The following SPTA1 variants were observed in gnomAD, a reference collection of about 807,000 sequenced individuals.
The protein encoded by SPTA1 is spectrin alpha chain, erythrocytic 1.
A neutral mutation model predicts 324.7 loss-of-function variants in SPTA1; 177 were observed. The observed-to-expected ratio is 0.55, with a 90% confidence interval of 0.48 to 0.62. The LOEUF (loss-of-function observed/expected upper bound fraction) is 0.62, where lower values mean the gene tolerates loss of function less well. Among genes scored for constraint, SPTA1 ranks in the 20% least tolerant of loss-of-function variants. The pLI, the probability that SPTA1 is intolerant of heterozygous loss-of-function variation, is 0.00. For synonymous variants in SPTA1, 1,195 were observed against 1,041.3 expected (o/e 1.15, Z -2.84); for missense variants, 3,162 against 2,883.6 (o/e 1.10, Z -2.21).
Position 158,615,232 on chromosome 1 carries a change from G to T in SPTA1, c.6772C>A (p.Gln2258Lys), listed in dbSNP as rs368355710. 51 of 1,613,264 alleles carry T rather than the reference G, an allele frequency of 3.2e-5. No homozygotes were observed. The highest frequency in any genetic ancestry group is 4.2e-5 in the Non-Finnish European group (49 of 1,180,016). Reference protein sequence around the residue: ...LGLRMQHNLEQQIQAKDIKGV... With the variant: ...LGLRMQHNLEKQIQAKDIKGV... The stretch of plus-strand genomic sequence containing the variant: ...CCTCAATACTTGGCCTGGATCTGTT[G>T]CTCCAGGTTGTGTTGCATCCGCAAC... Residue 2258 changes from glutamine to lysine, a missense_variant, in exon 48 of 52, where the codon CAA (glutamine) becomes AAA (lysine). Coordinates refer to ENST00000643759, the MANE Select transcript of SPTA1 (RefSeq NM_003126.4).
intron 44 of SPTA1, among the ~76,000 whole-genome samples, chr1:158,619,726 A>C (rs1649790595): frequency 6.6e-6 from 1 of 152,206 alleles, no homozygotes. Flanking sequence ...TTAGTTTTCT[A>C]TTACACTTTT....
rs751821341 is a variant in SPTA1, at chr1:158,627,641, TCTC to T, written c.5645_5647del (p.Gly1882del). ...CTAGCTCACCTTATTTAGGATGTCT[TCTC>T]CTTGTGCACACACATTTTGTACTCG... On this transcript the variant is annotated inframe_deletion, in exon 40 of 52. Coordinates refer to ENST00000643759, the MANE Select transcript of SPTA1 (RefSeq NM_003126.4). 63 of 1,613,384 alleles carry T rather than the reference TCTC, an allele frequency of 3.9e-5. No homozygotes were observed. Among genetic ancestry groups the T allele is most frequent in the Non-Finnish European group, 5.2e-5 (61 of 1,179,730 alleles).
Position 158,657,350 on chromosome 1 carries a change from G to A in SPTA1, c.2805+127C>T, listed in dbSNP as rs1040033254. 1.7e-5 allele frequency: 16 copies of A among 962,242 alleles called. No homozygotes were observed. The African/African-American group carries it at 2.1e-4, about 13-fold the overall frequency. The allele number at this position is 962,242 out of a possible 1,614,324, so 59.6% of individuals were successfully genotyped here. On this transcript the variant is annotated intron_variant, in intron 19 of 51. Transcript: ENST00000643759. Reference sequence around the variant, plus strand: ...GTCTCAGCAGATGAAGGCCAACGGCGACCACTCTGGAAACCCCAAATAATC... The same window carrying A: ...GTCTCAGCAGATGAAGGCCAACGGCAACCACTCTGGAAACCCCAAATAATC...
In SPTA1 at chr1:158,678,438, C is replaced by T. The variant is rs187932146; in HGVS notation, c.775G>A (p.Ala259Thr). Residue 259 changes from alanine to threonine, a missense_variant, in exon 6 of 52, where the codon GCT becomes ACT. Physicochemically the swap from Ala to Thr is moderately conservative, Grantham distance 58. Coordinates refer to ENST00000643759, the MANE Select transcript of SPTA1 (RefSeq NM_003126.4). ...LRGLALQRQK[A>T]LSNAANLQRF... The stretch of plus-strand genomic sequence containing the variant: ...TGTAAGTTTGCAGCATTGGACAGAG[C>T]TTTCTGTCTCTGGAGAGCCAAACCA... 1.4e-3 allele frequency: 2,184 copies of T among 1,613,758 alleles called. 7 individuals carry two copies. The highest frequency in any genetic ancestry group is 1.6e-3 in the Non-Finnish European group (1,944 of 1,179,762).
chr1:158,654,521 A>G (rs1427502302), intron 21 of SPTA1, 90 bp downstream of exon 21: 58 of 1,535,776 alleles, frequency 3.8e-5, no homozygotes, highest in Non-Finnish European at 3.6e-5. Flanking sequence ...AATAAATGTT[A>G]GATGGTAAAA....
At chr1:158,619,651 G>A (rs1198033323) in intron 44 of SPTA1, among the ~76,000 whole-genome samples, 1 of 152,080 alleles carries the variant, frequency 6.6e-6, no homozygotes, top group African/African-American at 2.4e-5. Context: ...GAACACAAAA[G>A]CAGCCTTAAA....
chr1:158,612,942 C>T lies in SPTA1; in HGVS notation c.7009G>A (p.Glu2337Lys), dbSNP rs1373239923. The T allele has an allele frequency of 6.2e-7, 1 of 1,613,848 alleles. No homozygotes were observed. The highest frequency in any genetic ancestry group is 2.2e-5 in the East Asian group (1 of 44,852). The change falls in exon 51 of 52, where the codon GAG becomes AAG. Residue 2337 changes from glutamate (E) to lysine (K), a missense_variant. By Grantham distance (56) the Glu-to-Lys change is moderately conservative. Coordinates refer to ENST00000643759, the MANE Select transcript of SPTA1 (RefSeq NM_003126.4). ...TCAATCAGGAAAGCAGTATAGTCCT[C>T]CAGTGAGACATAGCCCTTCCTGTGG... ...DPGRKGYVSL[E>K]DYTAFLIDKE...
In SPTA1 at chr1:158,619,373, A is replaced by G; in HGVS notation, c.6418-39T>C. ...TCACAGACAACGTGACTGACATCGA[A>G]GGCCTTTCTTTGCCATAAGAGAATT... On this transcript the variant is annotated intron_variant, in intron 44 of 51. Coordinates refer to ENST00000643759, the MANE Select transcript of SPTA1 (RefSeq NM_003126.4). 3 of 1,600,508 alleles carry G rather than the reference A, an allele frequency of 1.9e-6. No individual in the cohort carries two copies. The South Asian group carries it at 3.3e-5, about 18-fold the overall frequency.
rs370362216 is a variant in SPTA1, at chr1:158,661,052, A to C, written c.2587+235T>G. Among the ~76,000 whole-genome samples the C allele has an allele frequency of 3.3e-5, 5 of 152,310 alleles. No individual in the cohort carries two copies. The East Asian group carries it at 5.8e-4, about 18-fold the overall frequency. Reference sequence around the variant, plus strand: ...TTAATGATTAGGATAAAGACATTTTACTTTAATAATTTTTGTTTTACAAAC... The same window carrying C: ...TTAATGATTAGGATAAAGACATTTTCCTTTAATAATTTTTGTTTTACAAAC... On this transcript the variant is annotated intron_variant, in intron 18 of 51. Coordinates refer to ENST00000643759, the MANE Select transcript of SPTA1 (RefSeq NM_003126.4).
At chr1:158,683,671 GCTATGCTGAGCCTTATGAT>G (rs1325143322) in intron 2 of SPTA1, among the ~76,000 whole-genome samples, 175 bp from the exon 3 acceptor site, 3 of 152,090 alleles carry the variant, frequency 2.0e-5, no homozygotes, top group Non-Finnish European at 4.4e-5. Flanking sequence ...ACTGTCCTGA[GCTATGCTGAGCCTTATGAT>G]CTATGCCGAG....
chr1:158,636,571 A>G, intron 37 of SPTA1, 70 bp downstream of exon 37: 1 of 1,565,706 alleles, frequency 6.4e-7, no homozygotes, highest in East Asian at 2.2e-5. Flanking sequence ...GCACCCTCTT[A>G]TTTATCTGTA....
Position 158,671,446 on chromosome 1 carries a change from A to G in SPTA1, c.1496T>C (p.Leu499Pro), listed in dbSNP as rs1468874777. 2 of 1,612,688 alleles carry G rather than the reference A, an allele frequency of 1.2e-6. No homozygotes were observed. Among genetic ancestry groups the G allele is most frequent in the South Asian group, 2.2e-5 (2 of 91,018 alleles). ...TGAGTTTCCCAGATCCTCGTTTTCC[A>G]GGAAGGCCTGTAGAAGACAGAAAGA... ...DSWMSRQEAFLENEDLGNSLG... is the reference protein window; with the variant it reads ...DSWMSRQEAFPENEDLGNSLG... The change falls in exon 12 of 52, where the codon CTG (leucine) becomes CCG (proline). Residue 499 changes from leucine (L) to proline (P), a missense_variant. By Grantham distance (98) the Leu-to-Pro change is moderately conservative. Coordinates refer to ENST00000643759, the MANE Select transcript of SPTA1 (RefSeq NM_003126.4).
chr1:158,635,858 C>T, intron 38 of SPTA1, 55 bp downstream of exon 38: 9 of 1,613,774 alleles, frequency 5.6e-6, no homozygotes, highest in Non-Finnish European at 7.6e-6. Flanking sequence ...CCTCCCAACA[C>T]CTGCCCAATA....
At position 158,620,654 on chromosome 1, in the gene SPTA1, T is replaced by C. The variant is rs536856926; in HGVS notation, c.6121-188A>G. ...ACATGTGAGTTAGCGGTACGAGCCC[T>C]GGTTCTGGCATTTTCTCATTGTGTG... On this transcript the variant is annotated intron_variant, in intron 43 of 51. Coordinates refer to ENST00000643759, the MANE Select transcript of SPTA1 (RefSeq NM_003126.4). 14 of 625,508 alleles carry C rather than the reference T, an allele frequency of 2.2e-5. No individual in the cohort carries two copies. In the East Asian group the frequency reaches 3.4e-4, roughly 15 times the overall value. The allele number at this position is 625,508 out of a possible 1,614,324, so 38.7% of individuals were successfully genotyped here.
chr1:158,634,553 G>C lies in SPTA1; in HGVS notation c.5555C>G (p.Ala1852Gly). 1 of 1,613,974 alleles carries C rather than the reference G, an allele frequency of 6.2e-7. No individual in the cohort carries two copies. Among genetic ancestry groups the C allele is most frequent in the Non-Finnish European group, 8.5e-7 (1 of 1,180,024 alleles). ...AVRGDCGDTLAATQSLLMKHE... is the reference protein window; with the variant it reads ...AVRGDCGDTLGATQSLLMKHE... Reference sequence around the variant, plus strand: ...CTTCCTGTTCCTCACCTGAGTAGCAGCTAATGTATCTCCACAATCTCCTCG... The same window carrying C: ...CTTCCTGTTCCTCACCTGAGTAGCACCTAATGTATCTCCACAATCTCCTCG... Residue 1852 changes from alanine to glycine, a missense_variant, in exon 39 of 52, where the codon GCT (alanine) becomes GGT (glycine). Physicochemically the swap from Ala to Gly is moderately conservative, Grantham distance 60 (BLOSUM62 0). Transcript: ENST00000643759.
rs750421173 is a variant in SPTA1 at position 158,619,280 on chromosome 1, T to G, written c.6472A>C (p.Met2158Leu). 2.5e-6 allele frequency: 4 copies of G among 1,614,022 alleles called. No individual in the cohort carries two copies. The highest frequency in any genetic ancestry group is 1.3e-5 in the African/African-American group (1 of 74,920). ...GCATTCTGTTCAAACTCCTGACACA[T>G]CTCAAAGTTCTTGACCTGTCTTGCC... ...EEARQVKNFE[M>L]CQEFEQNAST... The change falls in exon 45 of 52, where the codon ATG (methionine) becomes CTG (leucine). Residue 2158 changes from methionine (M) to leucine (L), a missense_variant. Transcript: ENST00000643759.
intron 18 of SPTA1, 92 bp from the exon 19 acceptor site, chr1:158,657,786 T>A: frequency 1.5e-6 from 2 of 1,297,774 alleles, no homozygotes; most frequent in Non-Finnish European, 2.2e-6. Context: ...AGAAAGGAAG[T>A]GATAAAAATG....
Position 158,639,648 on chromosome 1 carries a change from G to A in SPTA1, c.4914C>T (p.Asp1638=), listed in dbSNP as rs1196710856. The A allele has an allele frequency of 5.0e-6, 8 of 1,613,766 alleles. No individual in the cohort carries two copies. The highest frequency in any genetic ancestry group is 5.9e-6 in the Non-Finnish European group (7 of 1,179,904). The change falls in exon 35 of 52, where the codon GAC becomes GAT. Residue 1638 remains aspartate (D), a synonymous_variant. Coordinates refer to ENST00000643759, the MANE Select transcript of SPTA1 (RefSeq NM_003126.4). The part of the protein sequence containing the change: ...TLLAMKDQAR[D]LASAGNLLKK... ...TGAGTAGGTTTCCTGCTGAAGCCAA[G>A]TCCCTGGCCTGATCTTTCATGGCCA...
At chr1:158,642,373 A>T (rs776628183) in intron 33 of SPTA1, 38 bp downstream of exon 33, 1 of 1,607,702 alleles carries the variant, frequency 6.2e-7, no homozygotes, top group Non-Finnish European at 8.5e-7. Context: ...ATTCCTCTTC[A>T]TGTGACTTTG....
Sources: gnomAD v4.1 joint callset for allele counts (sites outside exome capture counted in the v4.1 genomes callset) on GRCh38, gnomAD v4.1.1 for gene constraint, MANE v1.5 for transcripts, NCBI Gene and HGNC (gene_info 2026-07-23, HGNC 2026-07-21) for gene names.